The following ERMAP variants were observed in gnomAD, a reference collection of about 807,000 sequenced individuals.
ERMAP encodes erythroblast membrane associated protein (Scianna blood group).
In ERMAP, 34 loss-of-function variants were observed where a neutral mutation model predicts 49.5. The observed-to-expected ratio is 0.69, with a 90% CI of 0.52 to 0.91. ERMAP has a LOEUF of 0.91. ERMAP is among the 40% of genes least tolerant of loss of function. ERMAP has a pLI of 0.00. For synonymous variants in ERMAP, 214 were observed against 232.2 expected (o/e 0.92, Z 0.71); for missense variants, 541 against 582.6 (o/e 0.93, Z 0.74).
chr1:42,842,910 T>C lies in ERMAP; in HGVS notation c.1106T>C (p.Ile369Thr), dbSNP rs1194778478. 6.2e-7 allele frequency: 1 copy of C among 1,614,136 alleles called. No homozygotes were observed. The highest frequency in any genetic ancestry group is 8.5e-7 in the Non-Finnish European group (1 of 1,180,036). The change falls in exon 12 of 12, where the codon ATC becomes ACC. Residue 369 changes from isoleucine (I) to threonine (T), a missense_variant. Coordinates refer to ENST00000372517, the MANE Select transcript of ERMAP (RefSeq NM_001017922.2). The part of the protein sequence containing the change: ...GIFLDYEAGV[I>T]SFYNVTNKSH... ...TTCCTGGACTATGAAGCAGGAGTCA[T>C]CTCTTTCTACAATGTGACCAACAAG...
chr1:42,834,966 C>T (rs1474178221), intron 4 of ERMAP, 72 bp from the exon 5 acceptor site: 2 of 770,200 alleles, frequency 2.6e-6, no homozygotes, highest in African/African-American at 1.7e-5. Context: ...GCTGGAGCCG[C>T]CTGCCATCTG....
chr1:42,835,423 A>G (rs1654866313), intron 5 of ERMAP, among the ~76,000 whole-genome samples: 1 of 152,224 alleles, frequency 6.6e-6, no homozygotes, highest in Admixed American at 6.5e-5. Flanking sequence ...CCTTCTAATT[A>G]ACTAAGAAAT....
chr1:42,831,047 G>A lies in ERMAP; in HGVS notation c.365G>A (p.Gly122Glu), dbSNP rs1210899123. The A allele has an allele frequency of 1.2e-6, 2 of 1,614,220 alleles. No homozygotes were observed. Among genetic ancestry groups the A allele is most frequent in the Admixed American group, 3.3e-5 (2 of 60,030 alleles). The change falls in exon 4 of 12, where the codon GGG becomes GAG. Residue 122 changes from glycine (G) to glutamate (E), a missense_variant. Gly to Glu is a moderately conservative substitution (Grantham distance 98, BLOSUM62 -2). Coordinates refer to ENST00000372517, the MANE Select transcript of ERMAP (RefSeq NM_001017922.2). ...CTTGACGTGCGCCTTGAGGACCAAG[G>A]GTCTTACCGATGTCTGATCCAAGTT... ...QILDVRLEDQ[G>E]SYRCLIQVGN... is the part of the protein sequence containing the mutation.
At chr1:42,834,910 T>C (rs1654847826) in intron 4 of ERMAP, 128 bp from the exon 5 acceptor site, 4 of 675,864 alleles carry the variant, frequency 5.9e-6, no homozygotes, top group African/African-American at 1.8e-5. Flanking sequence ...AAAGAGCCTC[T>C]TGGCCGGAGC....
chr1:42,831,555 GTT>G (rs34434827), intron 4 of ERMAP, among the ~76,000 whole-genome samples: 2 of 41,956 alleles, frequency 4.8e-5, no homozygotes, highest in African/African-American at 1.0e-4. Context: ...GAGAGATAGT[GTT>G]TTTTTTTTTT....
chr1:42,831,585 T>C (rs1654742722), intron 4 of ERMAP, among the ~76,000 whole-genome samples: 2 of 145,084 alleles, frequency 1.4e-5, no homozygotes, highest in African/African-American at 5.1e-5. Context: ...CTTTTTTTTT[T>C]TTTTTTTTTT....
chr1:42,831,182 TTG>T, intron 4 of ERMAP, 67 bp downstream of exon 4: 2 of 1,536,146 alleles, frequency 1.3e-6, no homozygotes, highest in Non-Finnish European at 1.8e-6. Context: ...AGGACCTACT[TTG>T]TCTCTCCATG....
In ERMAP at chr1:42,844,157, A is replaced by G. The variant is rs990567179; in HGVS notation, c.*925A>G. Reference sequence around the variant, plus strand: ...TTTTTTTTCCCCACAAGACCATTGTACTGCAATACTTGAGTATTTGTGTAG... The same window carrying G: ...TTTTTTTTCCCCACAAGACCATTGTGCTGCAATACTTGAGTATTTGTGTAG... On this transcript the variant is annotated 3_prime_UTR_variant, in exon 12 of 12. Coordinates refer to ENST00000372517, the MANE Select transcript of ERMAP (RefSeq NM_001017922.2). This position sits in a 1 kb window ranked among gnomAD's most constrained non-coding sequence, Gnocchi z 4.0. The G allele has an allele frequency of 2.5e-6, 1 of 398,544 alleles. No homozygotes were observed. The highest frequency in any genetic ancestry group is 4.4e-5 in the Admixed American group (1 of 22,720). The allele number at this position is 398,544 out of a possible 1,614,324, so 24.7% of individuals were successfully genotyped here. A position where few individuals can be genotyped will look rare whatever the true frequency, so the allele number is the denominator to read the frequency against.
At chr1:42,838,433 T>A (rs191809674) in intron 7 of ERMAP, among the ~76,000 whole-genome samples, 26 of 152,266 alleles carry the variant, frequency 1.7e-4, no homozygotes, top group African/African-American at 6.3e-4. Flanking sequence ...CATACACATG[T>A]CCCCAAATCT....
chr1:42,830,384 T>C (rs1654681311), intron 2 of ERMAP, 60 bp from the exon 3 acceptor site: 56 of 1,479,704 alleles, frequency 3.8e-5, no homozygotes, highest in Non-Finnish European at 5.2e-5. Context: ...TCCTGGGTTA[T>C]ACCCTCTGTC....
chr1:42,835,670 C>T lies in ERMAP; in HGVS notation c.551-62C>T, dbSNP rs542726162. ...TCAGGCAGCTGGGGGCATCTTGGGA[C>T]ACTTGTGCCTGTTAGAAAAAGCCCT... On this transcript the variant is annotated intron_variant, in intron 5 of 11. Coordinates refer to ENST00000372517, the MANE Select transcript of ERMAP (RefSeq NM_001017922.2). The T allele has an allele frequency of 3.1e-6, 5 of 1,603,596 alleles. No individual in the cohort carries two copies. The African/African-American group carries it at 5.4e-5, about 17-fold the overall frequency.
chr1:42,830,570 TGTGATATTGGC>T (rs1166210227), intron 3 of ERMAP, 37 bp downstream of exon 3: 1 of 1,594,608 alleles, frequency 6.3e-7, no homozygotes, highest in Admixed American at 1.7e-5. Flanking sequence ...GCCTGGTACA[TGTGATATTGGC>T]GTCCCCAGAA....
chr1:42,831,255 C>A, intron 4 of ERMAP, 140 bp downstream of exon 4: 3 of 1,047,748 alleles, frequency 2.9e-6, no homozygotes, highest in South Asian at 1.7e-5. Context: ...CAGCCTTACC[C>A]AGCCATGTCC....
chr1:42,837,852 C>G (rs968579206), intron 7 of ERMAP: 1 of 152,478 alleles, frequency 6.6e-6, no homozygotes, highest in African/African-American at 2.4e-5. Context: ...ACTCCAGATT[C>G]AATGATGTCA....
At chr1:42,831,737 A>C (rs2124320599) in intron 4 of ERMAP, among the ~76,000 whole-genome samples, 1 of 151,062 alleles carries the variant, frequency 6.6e-6, no homozygotes, top group South Asian at 2.1e-4. Context: ...ATACACTACC[A>C]TGTCTGGTTA....
chr1:42,839,152 G>T (rs188661428), intron 8 of ERMAP: 2 of 634,184 alleles, frequency 3.2e-6, no homozygotes, highest in East Asian at 5.5e-5. Context: ...TCACCAGGAA[G>T]AGATAGATGC....
rs1159601456 is a variant in ERMAP at position 42,843,302 on chromosome 1, C to T, written c.*70C>T. ...CCTGGACTTCAGTCGCCTGGCCCAA[C>T]CCCATGATTATGGAACGTCTCTTCA... On this transcript the variant is annotated 3_prime_UTR_variant, in exon 12 of 12. Transcript: ENST00000372517. 1 of 1,159,612 alleles carries T rather than the reference C, an allele frequency of 8.6e-7. No individual in the cohort carries two copies. Among genetic ancestry groups the T allele is most frequent in the Non-Finnish European group, 1.2e-6 (1 of 827,768 alleles). 71.8% of individuals were successfully genotyped at this position (1,159,612 alleles called of 1,614,324 possible). A position where few individuals can be genotyped will look rare whatever the true frequency, so the allele number is the denominator to read the frequency against.
chr1:42,830,798 T>C lies in ERMAP; in HGVS notation c.116T>C (p.Val39Ala). Residue 39 changes from valine (V) to alanine (A), a missense_variant, in exon 4 of 12, where the codon GTG (valine) becomes GCG (alanine). Coordinates refer to ENST00000372517, the MANE Select transcript of ERMAP (RefSeq NM_001017922.2). Reference protein sequence around the residue: ...GHAGDAGKFHVALLGGTAELL... With the variant: ...GHAGDAGKFHAALLGGTAELL... ...GCAGGGGATGCCGGCAAGTTCCACG[T>C]GGCCCTACTAGGGGGCACAGCCGAG... 1 of 1,564,878 alleles carries C rather than the reference T, an allele frequency of 6.4e-7. No homozygotes were observed. Among genetic ancestry groups the C allele is most frequent in the Non-Finnish European group, 8.7e-7 (1 of 1,154,992 alleles).
chr1:42,837,222 CA>C (rs1557612347), intron 7 of ERMAP, 32 bp downstream of exon 7: 3 of 1,592,704 alleles, frequency 1.9e-6, no homozygotes, highest in Non-Finnish European at 1.7e-6. Context: ...GGGTAGGGAA[CA>C]AAAAACACAT....
Sources: gnomAD v4.1 joint callset for allele counts (sites outside exome capture counted in the v4.1 genomes callset) on GRCh38, gnomAD v4.1.1 for gene constraint, Gnocchi (gnomAD v3.1) non-coding constraint, MANE v1.5 for transcripts, NCBI Gene and HGNC (gene_info 2026-07-23, HGNC 2026-07-21) for gene names.